Variants in PMPCB observed in about 807,000 individuals in gnomAD.
PMPCB encodes mitochondrial-processing peptidase subunit beta.
Under a neutral mutation model 61.5 loss-of-function variants are expected in PMPCB, and 46 were observed. The observed-to-expected ratio is 0.75, with a 90% confidence interval of 0.59 to 0.96. PMPCB has a LOEUF of 0.96. Among genes scored for constraint, PMPCB ranks in the 40% least tolerant of loss-of-function variants. The pLI is 0.00. For synonymous variants in PMPCB, 191 were observed against 201.6 expected, an observed-to-expected ratio of 0.95 and a Z score of 0.44; for missense variants, 590 against 602.4, an observed-to-expected ratio of 0.98 and a Z score of 0.22.
the PMPCB span, chr7:103,344,368 C>T: frequency 4.9e-6 from 3 of 615,804 alleles, no homozygotes; most frequent in African/African-American, 5.6e-5. Context: ...AGGCACCCCT[C>T]ACCCTCCTTC....
downstream of PMPCB, among the ~76,000 whole-genome samples, chr7:103,319,337 T>C (rs1174992639): frequency 6.6e-6 from 1 of 152,106 alleles, no homozygotes; most frequent in East Asian, 1.9e-4. Flanking sequence ...CTCAGGAGGC[T>C]GAGGCAGGAG....
chr7:103,315,979 A>G (rs746608775), downstream of PMPCB: 1 of 1,588,412 alleles, frequency 6.3e-7, no homozygotes, highest in African/African-American at 1.4e-5. Flanking sequence ...TGGACTTCTC[A>G]AAACTCACCA....
downstream of PMPCB, chr7:103,316,478 C>T (rs1370570395): frequency 8.9e-6 from 2 of 224,070 alleles, no homozygotes; most frequent in Non-Finnish European, 8.6e-6. Flanking sequence ...TAAACTCAAG[C>T]TCCAGCTTGA....
chr7:103,316,355 T>C, downstream of PMPCB: 1 of 283,220 alleles, frequency 3.5e-6, no homozygotes, highest in Non-Finnish European at 6.5e-6. Flanking sequence ...AAACCACTTA[T>C]TTGTGTATAC....
chr7:103,308,536 T>C (rs1434738366), intron 7 of PMPCB, among the ~76,000 whole-genome samples: 1 of 152,112 alleles, frequency 6.6e-6, no homozygotes, highest in Non-Finnish European at 1.5e-5. Context: ...GCAAAATTGC[T>C]TGAACATGGG....
intron 4 of PMPCB, among the ~76,000 whole-genome samples, chr7:103,301,131 A>T (rs1394452036): frequency 6.6e-6 from 1 of 152,238 alleles, no homozygotes; most frequent in Non-Finnish European, 1.5e-5. Context: ...TGATGTGCAT[A>T]GGTGTTTCCA....
downstream of PMPCB, chr7:103,317,185 A>T (rs1307502459): frequency 3.2e-6 from 2 of 617,736 alleles, no homozygotes; most frequent in Non-Finnish European, 5.6e-6. Flanking sequence ...TCTGGCTTCC[A>T]GTCTGCATAG....
downstream of PMPCB, chr7:103,315,986 A>T: frequency 6.3e-7 from 1 of 1,588,118 alleles, no homozygotes; most frequent in Non-Finnish European, 8.6e-7. Flanking sequence ...CTCAAAACTC[A>T]CCAAGTTTTT....
chr7:103,314,765 A>C (rs1817954209), downstream of PMPCB: 1 of 519,864 alleles, frequency 1.9e-6, no homozygotes, highest in African/African-American at 2.1e-5. Context: ...CTTTAAGTTG[A>C]AATTTTGGGA....
intron 4 of PMPCB, among the ~76,000 whole-genome samples, chr7:103,302,068 G>T (rs1349982420): frequency 1.3e-5 from 2 of 152,112 alleles, no homozygotes; most frequent in African/African-American, 4.8e-5. Context: ...TTTTGTCCTT[G>T]TGATAGTTTG....
chr7:103,300,405 C>A, intron 4 of PMPCB, 98 bp downstream of exon 4: 1 of 996,452 alleles, frequency 1.0e-6, no homozygotes, highest in Non-Finnish European at 1.4e-6. Context: ...AGAGTAAGTT[C>A]CAGAAATGTG....
chr7:103,341,710 T>C, the PMPCB span: 4 of 1,378,906 alleles, frequency 2.9e-6, no homozygotes, highest in Non-Finnish European at 3.9e-6. Flanking sequence ...CATAAGAAAA[T>C]TGTCTATGTC....
At chr7:103,300,087 T>A (rs1472147633) in intron 3 of PMPCB, 91 bp from the exon 4 acceptor site, 1 of 1,263,286 alleles carries the variant, frequency 7.9e-7, no homozygotes, top group Non-Finnish European at 1.1e-6. Context: ...TGCATGAAAC[T>A]AACTTATGTC....
chr7:103,303,275 C>T (rs1368122931), intron 4 of PMPCB, among the ~76,000 whole-genome samples: 1 of 152,208 alleles, frequency 6.6e-6, no homozygotes, highest in Non-Finnish European at 1.5e-5. Flanking sequence ...TGCCACCACA[C>T]GAAGCTAATT....
rs771919850 is a variant in PMPCB at position 103,311,660 on chromosome 7, G to C, written c.1172G>C (p.Ser391Thr). ...TTTTTTAGGATGCGACTCTGTACAA[G>C]TGTCACAGAAAGTGAGGTTGCACGA... ...VQKEWMRLCT[S>T]VTESEVARAR... is the part of the protein sequence containing the mutation. The change falls in exon 10 of 13, where the codon AGT becomes ACT. Residue 391 changes from serine (S) to threonine (T), a missense_variant. Coordinates refer to ENST00000249269, the MANE Select transcript of PMPCB (RefSeq NM_004279.3). The C allele has an allele frequency of 2.2e-5, 35 of 1,613,596 alleles. No individual in the cohort carries two copies. The highest frequency in any genetic ancestry group is 2.9e-5 in the Non-Finnish European group (34 of 1,179,686).
At chr7:103,304,138 T>C in intron 5 of PMPCB, 98 bp downstream of exon 5, 1 of 979,206 alleles carries the variant, frequency 1.0e-6, no homozygotes, top group Non-Finnish European at 1.5e-6. Flanking sequence ...AAAGTAATTT[T>C]CCCCCTGGTA....
chr7:103,308,567 C>T lies in PMPCB; in HGVS notation c.850-385C>T, dbSNP rs140279314. Among the ~76,000 whole-genome samples the T allele has an allele frequency of 2.1e-3, 316 of 152,060 alleles. 2 individuals carry two copies. Among genetic ancestry groups the T allele is most frequent in the Non-Finnish European group, 3.5e-3 (237 of 67,976 alleles). ...ATGGGAGGCCGAGGTTGCGGTGAGC[C>T]GAGATGGTGCCACTGCACTCCAGGC... On this transcript the variant is annotated intron_variant, in intron 7 of 12. Transcript: ENST00000249269.
At chr7:103,338,111 T>A in the PMPCB span, among the ~76,000 whole-genome samples, 4 of 151,654 alleles carry the variant, frequency 2.6e-5, no homozygotes, top group African/African-American at 4.9e-5. Flanking sequence ...TACAAAAAAA[T>A]TTTTAAAAAT....
chr7:103,345,446 CA>C, the PMPCB span, among the ~76,000 whole-genome samples: 1 of 151,970 alleles, frequency 6.6e-6, no homozygotes, highest in Non-Finnish European at 1.5e-5. Flanking sequence ...CTAGCAAAAA[CA>C]AACAGTGGGT....
Sources: allele counts gnomAD v4.1 joint callset (sites outside exome capture counted in the v4.1 genomes callset), GRCh38; gene constraint gnomAD v4.1.1; transcripts MANE v1.5; gene names NCBI Gene and HGNC (gene_info 2026-07-23, HGNC 2026-07-21).